The following XIRP2 variants were observed in gnomAD, a reference collection of about 807,000 sequenced individuals.
The protein encoded by XIRP2 is xin actin binding repeat containing 2.
A neutral mutation model predicts 277.0 loss-of-function variants in XIRP2; 236 were observed. The ratio of observed to expected loss-of-function variants is 0.85; its 90% CI spans 0.77 to 0.95. XIRP2 has a LOEUF of 0.95. Ranked by LOEUF, XIRP2 falls within the 40% of genes least tolerant of loss-of-function variation. The pLI, the probability that XIRP2 is intolerant of heterozygous loss-of-function variation, is 0.00. For synonymous variants in XIRP2, 1,490 were observed against 1,416.5 expected (o/e 1.05, Z -1.17); for missense variants, 4,640 against 4,157.5 (o/e 1.12, Z -3.19).
At chr2:167,114,877 C>T (rs1269180970) in intron 2 of XIRP2, among the ~76,000 whole-genome samples, 3 of 152,130 alleles carry the variant, frequency 2.0e-5, no homozygotes, top group Admixed American at 6.5e-5. Context: ...CAAGTCTTTG[C>T]TATTGTGAAT....
chr2:167,102,835 T>G (rs1690520716), intron 2 of XIRP2, among the ~76,000 whole-genome samples: 1 of 152,204 alleles, frequency 6.6e-6, no homozygotes, highest in Non-Finnish European at 1.5e-5. Context: ...GTAGCAGCCA[T>G]TTTTGTTTCT....
intron 3 of XIRP2, among the ~76,000 whole-genome samples, chr2:167,172,519 C>T (rs114295336): frequency 0.099 from 15,031 of 152,166 alleles, 804 homozygotes; most frequent in South Asian, 0.16. Context: ...ATCCCTTATC[C>T]ACAACTATAA....
At chr2:167,154,702 A>G (rs1355792783) in intron 3 of XIRP2, among the ~76,000 whole-genome samples, 1 of 152,164 alleles carries the variant, frequency 6.6e-6, no homozygotes, top group Non-Finnish European at 1.5e-5. Context: ...AAGCAAGAGC[A>G]AACACATTCA....
chr2:167,056,617 G>C (rs1311421785), intron 2 of XIRP2, among the ~76,000 whole-genome samples: 2 of 152,134 alleles, frequency 1.3e-5, no homozygotes, highest in African/African-American at 4.8e-5. Context: ...ACTTTTGTGA[G>C]CTTGGACAGG....
rs1695728869 is a variant in XIRP2, at chr2:167,258,432, A to G, written c.*615A>G. ...ATGAAAATGCCTGAAGGAAGAAAAG[A>G]TGAAAAGAAGGAAGGAAGGAAGAAT... On this transcript the variant is annotated 3_prime_UTR_variant, in exon 11 of 11. Coordinates refer to ENST00000409195, the MANE Select transcript of XIRP2 (RefSeq NM_152381.6). 6.2e-7 allele frequency: 1 copy of G among 1,613,422 alleles called. No homozygotes were observed.
Position 167,211,614 on chromosome 2 carries a change from G to A in XIRP2, c.723+719G>A, listed in dbSNP as rs1399381185. On this transcript the variant is annotated intron_variant, in intron 4 of 10. Coordinates refer to ENST00000409195, the MANE Select transcript of XIRP2 (RefSeq NM_152381.6). ...AATTAATTTCAAATTTTAATAACAT[G>A]GGTTTGCACGCCACCCTCCTTGGTC... Among the ~76,000 whole-genome samples the A allele has an allele frequency of 2.0e-5, 3 of 152,124 alleles. No individual in the cohort carries two copies. In the East Asian group the frequency reaches 5.8e-4, roughly 29 times the overall value.
intron 2 of XIRP2, among the ~76,000 whole-genome samples, chr2:167,085,399 C>T (rs1158808908): frequency 1.3e-5 from 2 of 149,426 alleles, no homozygotes; most frequent in Non-Finnish European, 3.0e-5. Context: ...TGGTGTGGTG[C>T]TGAAAAAAAT....
chr2:167,206,938 A>G (rs969490817), intron 3 of XIRP2, among the ~76,000 whole-genome samples: 1 of 152,202 alleles, frequency 6.6e-6, no homozygotes, highest in African/African-American at 2.4e-5. Flanking sequence ...GATTGTGACA[A>G]TCACAAAATA....
intron 2 of XIRP2, among the ~76,000 whole-genome samples, chr2:166,979,222 C>T (rs942801944): frequency 6.6e-6 from 1 of 151,992 alleles, no homozygotes; most frequent in Non-Finnish European, 1.5e-5. Flanking sequence ...TCTATGAGTA[C>T]CTGAATGAGA....
At chr2:167,171,696 G>C (rs1044236196) in intron 3 of XIRP2, among the ~76,000 whole-genome samples, 3 of 151,932 alleles carry the variant, frequency 2.0e-5, no homozygotes, top group African/African-American at 7.3e-5. Flanking sequence ...TTCTTCCTTA[G>C]TTCTGAGTTT....
intron 2 of XIRP2, among the ~76,000 whole-genome samples, chr2:167,018,504 G>T (rs1419293931): frequency 6.6e-6 from 1 of 151,976 alleles, no homozygotes; most frequent in Non-Finnish European, 1.5e-5. Context: ...TCCAAGAAAA[G>T]AAAGGGGACA....
chr2:166,936,158 G>A (rs1364473981), intron 2 of XIRP2, among the ~76,000 whole-genome samples: 1 of 152,160 alleles, frequency 6.6e-6, no homozygotes, highest in African/African-American at 2.4e-5. Context: ...TTCTCTGATG[G>A]CCAGTGATGA....
chr2:166,985,907 A>T (rs1171790225), intron 2 of XIRP2, among the ~76,000 whole-genome samples: 5 of 152,168 alleles, frequency 3.3e-5, no homozygotes, highest in Non-Finnish European at 7.3e-5. Context: ...GGAAGAAAAG[A>T]TACAAGTCCA....
chr2:166,995,485 A>G (rs559489347), intron 2 of XIRP2, among the ~76,000 whole-genome samples: 2 of 152,330 alleles, frequency 1.3e-5, no homozygotes, highest in South Asian at 4.1e-4. Flanking sequence ...CAGAAGCAGT[A>G]AGAACCTTTT....
chr2:167,090,925 A>G (rs773504448), intron 2 of XIRP2, among the ~76,000 whole-genome samples: 2 of 152,136 alleles, frequency 1.3e-5, no homozygotes, highest in Non-Finnish European at 2.9e-5. Flanking sequence ...ATGAAATTTT[A>G]ACATGAGCTT....
intron 2 of XIRP2, among the ~76,000 whole-genome samples, chr2:166,948,632 C>T (rs1685946190): frequency 6.6e-6 from 1 of 152,042 alleles, no homozygotes; most frequent in South Asian, 2.1e-4. Flanking sequence ...TCTGTATTTG[C>T]TCTAAGTTTT....
chr2:167,059,846 A>C lies in XIRP2; in HGVS notation c.409-76063A>C, dbSNP rs78432315. Among the ~76,000 whole-genome samples, 251 of 152,340 alleles carry C rather than the reference A, an allele frequency of 1.6e-3. 6 individuals carry two copies. The East Asian group carries it at 0.043, about 26-fold the overall frequency. ...CTTGGTCAATGCGACATCAGCAAGCATGATGCTAGCAGAGGCTTTACAACA... is the reference window on the plus strand; with the variant it reads ...CTTGGTCAATGCGACATCAGCAAGCCTGATGCTAGCAGAGGCTTTACAACA... On this transcript the variant is annotated intron_variant, in intron 2 of 10. Transcript: ENST00000409195.
At chr2:167,252,897 T>C (rs546127010) in intron 9 of XIRP2, among the ~76,000 whole-genome samples, 1 of 151,986 alleles carries the variant, frequency 6.6e-6, no homozygotes, top group Non-Finnish European at 1.5e-5. Context: ...TGGTTCTTAA[T>C]GTGCTTGCTT....
At chr2:166,968,717 T>C (rs1330550069) in intron 2 of XIRP2, among the ~76,000 whole-genome samples, 3 of 152,028 alleles carry the variant, frequency 2.0e-5, no homozygotes, top group Non-Finnish European at 4.4e-5. Context: ...TCATGCTAAA[T>C]CATTAACCTT....
Sources: gnomAD v4.1 joint callset for allele counts (sites outside exome capture counted in the v4.1 genomes callset) on GRCh38, gnomAD v4.1.1 for gene constraint, MANE v1.5 for transcripts, NCBI Gene and HGNC (gene_info 2026-07-23, HGNC 2026-07-21) for gene names.